The following EPHA6 variants were observed in gnomAD, a reference collection of about 807,000 sequenced individuals.
EPHA6 encodes EPH receptor A6.
Under a neutral mutation model 112.0 loss-of-function variants are expected in EPHA6, and 50 were observed. The observed-to-expected ratio is 0.45, with a 90% confidence interval of 0.36 to 0.56. The LOEUF is 0.56. EPHA6 is among the 20% of genes least tolerant of loss of function. The pLI, the probability that EPHA6 is intolerant of heterozygous loss-of-function variation, is 0.00. For missense variants in EPHA6, 1,280 were observed against 1,417.4 expected, an observed-to-expected ratio of 0.90 and a Z score of 1.56; for synonymous variants, 529 against 490.7, an observed-to-expected ratio of 1.08 and a Z score of -1.03.
At chr3:97,279,482 G>A (rs1392260838) in intron 5 of EPHA6, among the ~76,000 whole-genome samples, 2 of 151,232 alleles carry the variant, frequency 1.3e-5, no homozygotes, top group Non-Finnish European at 2.9e-5. Flanking sequence ...CTCAAGTGAA[G>A]AGAATAGGAA....
intron 8 of EPHA6, among the ~76,000 whole-genome samples, chr3:97,477,447 G>A (rs1414194314): frequency 7.4e-6 from 1 of 134,722 alleles, no homozygotes; most frequent in Non-Finnish European, 1.6e-5. Context: ...GAAGGGAAGG[G>A]AAGGGGAGGG....
chr3:97,357,425 C>A (rs566908551), intron 5 of EPHA6, among the ~76,000 whole-genome samples: 7 of 152,262 alleles, frequency 4.6e-5, no homozygotes, highest in African/African-American at 1.4e-4. Flanking sequence ...TTGTCTTGAA[C>A]CCCTGACCTC....
intron 3 of EPHA6, among the ~76,000 whole-genome samples, chr3:97,068,152 C>A (rs190310586): frequency 1.2e-4 from 12 of 102,714 alleles, no homozygotes; most frequent in African/African-American, 7.1e-4. Context: ...AAGACTCCAT[C>A]TCAAAAAAAA....
At chr3:97,514,754 A>G (rs1019543596) in intron 10 of EPHA6, among the ~76,000 whole-genome samples, 5 of 152,138 alleles carry the variant, frequency 3.3e-5, no homozygotes, top group African/African-American at 1.2e-4. Flanking sequence ...TAGAAGAGAA[A>G]GAGAGAGATC....
chr3:96,853,432 G>GT (rs1013294755), intron 1 of EPHA6, among the ~76,000 whole-genome samples: 32 of 150,938 alleles, frequency 2.1e-4, no homozygotes, highest in Non-Finnish European at 3.8e-4. Flanking sequence ...GCCATTTGAT[G>GT]TTTTTTTTTC....
chr3:96,877,927 ATAT>A (rs1376074230), intron 2 of EPHA6, among the ~76,000 whole-genome samples: 15 of 140,074 alleles, frequency 1.1e-4, no homozygotes, highest in East Asian at 4.2e-4. Context: ...ATATATATAT[ATAT>A]TTTTTTTTTT....
intron 15 of EPHA6, among the ~76,000 whole-genome samples, chr3:97,726,849 A>AAC (rs1282341872): frequency 1.3e-5 from 2 of 152,066 alleles, no homozygotes; most frequent in Admixed American, 6.6e-5. Context: ...GCAAAACACG[A>AAC]ACAGCAGGCA....
intron 1 of EPHA6, among the ~76,000 whole-genome samples, chr3:96,837,449 C>T (rs1377015875): frequency 6.6e-6 from 1 of 152,012 alleles, no homozygotes. Context: ...ATTTTTAAAA[C>T]ATGGGAGAGA....
chr3:97,520,658 TGA>T (rs1560095233), intron 10 of EPHA6, among the ~76,000 whole-genome samples: 1 of 152,220 alleles, frequency 6.6e-6, no homozygotes, highest in Non-Finnish European at 1.5e-5. Flanking sequence ...CTTTGACTTT[TGA>T]GAGTTTGACT....
chr3:97,248,469 G>A (rs1285263073), intron 5 of EPHA6, among the ~76,000 whole-genome samples: 3 of 151,970 alleles, frequency 2.0e-5, no homozygotes, highest in Admixed American at 6.6e-5. Context: ...ATGGATAGTC[G>A]ACCCAAAACA....
chr3:96,945,923 G>A (rs1247181537), intron 2 of EPHA6, among the ~76,000 whole-genome samples: 3 of 152,010 alleles, frequency 2.0e-5, no homozygotes, highest in African/African-American at 4.8e-5. Flanking sequence ...AAAATACCAT[G>A]TGTCTACCAT....
At chr3:97,396,894 T>C (rs993670880) in intron 5 of EPHA6, among the ~76,000 whole-genome samples, 1 of 151,804 alleles carries the variant, frequency 6.6e-6, no homozygotes, top group Non-Finnish European at 1.5e-5. Flanking sequence ...ATAATACTCA[T>C]CTAATTGTAA....
intron 3 of EPHA6, among the ~76,000 whole-genome samples, chr3:97,161,665 A>T (rs187609326): frequency 6.6e-6 from 1 of 152,104 alleles, no homozygotes; most frequent in African/African-American, 2.4e-5. Flanking sequence ...CTTACCCTTC[A>T]CCTTAGAAGG....
intron 3 of EPHA6, among the ~76,000 whole-genome samples, chr3:97,185,053 C>A (rs1322767153): frequency 2.0e-5 from 3 of 152,092 alleles, no homozygotes; most frequent in Non-Finnish European, 2.9e-5. Context: ...ACACCTTATA[C>A]AAAAATTAAT....
chr3:97,390,889 G>A (rs544694827), intron 5 of EPHA6, among the ~76,000 whole-genome samples: 12 of 151,962 alleles, frequency 7.9e-5, no homozygotes, highest in South Asian at 6.2e-4. Flanking sequence ...CAAATCATTC[G>A]GAATATTTTT....
chr3:96,991,651 C>T (rs2043221699), intron 3 of EPHA6, among the ~76,000 whole-genome samples: 1 of 152,230 alleles, frequency 6.6e-6, no homozygotes, highest in South Asian at 2.1e-4. Flanking sequence ...ATTAATGTCC[C>T]TTCGTCATGC....
chr3:97,214,598 TATA>T (rs778510980), intron 3 of EPHA6, among the ~76,000 whole-genome samples: 2 of 152,102 alleles, frequency 1.3e-5, no homozygotes, highest in Non-Finnish European at 2.9e-5. Context: ...TTGCCATATG[TATA>T]ATATTTTCAT....
intron 11 of EPHA6, among the ~76,000 whole-genome samples, chr3:97,543,544 G>T (rs894681171): frequency 5.3e-5 from 8 of 152,252 alleles, no homozygotes; most frequent in Admixed American, 1.3e-4. Context: ...CTCCAGCTTT[G>T]TTCTTTTGGC....
chr3:97,608,440 G>A (rs1042994375), intron 12 of EPHA6, among the ~76,000 whole-genome samples: 4 of 151,258 alleles, frequency 2.6e-5, no homozygotes, highest in Admixed American at 2.0e-4. Context: ...TAGCTCTATG[G>A]CAAGTGACCT....
Sources: allele counts gnomAD v4.1 joint callset (sites outside exome capture counted in the v4.1 genomes callset), GRCh38; gene constraint gnomAD v4.1.1; transcripts MANE v1.5; gene names NCBI Gene and HGNC (gene_info 2026-07-23, HGNC 2026-07-21).